The following BDP1 variants were observed in gnomAD, a reference collection of about 807,000 sequenced individuals.
BDP1 encodes transcription factor TFIIIB component B'' homolog.
In BDP1, 169 loss-of-function variants were observed where a neutral mutation model predicts 266.6. The observed-to-expected ratio is 0.63, with a 90% CI of 0.56 to 0.72. The LOEUF is 0.72. BDP1 is among the 30% of genes least tolerant of loss of function. The probability of loss-of-function intolerance (pLI) is 0.00; values close to 1 mark genes in which losing one functional copy is unlikely to be tolerated. For synonymous variants in BDP1, 1,090 were observed against 1,022.4 expected (o/e 1.07, Z -1.26); for missense variants, 3,015 against 3,053.8 (o/e 0.99, Z 0.30).
At chr5:71,464,748 C>G (rs1761798677) in intron 4 of BDP1, among the ~76,000 whole-genome samples, 1 of 107,824 alleles carries the variant, frequency 9.3e-6, no homozygotes, top group Non-Finnish European at 1.8e-5. Flanking sequence ...GAGATGGAGT[C>G]TTGCTCTGTC....
At position 71,504,723 on chromosome 5, in the gene BDP1, G is replaced by A; in HGVS notation, c.2344G>A (p.Glu782Lys). ...TTCTTTTCAAAATGTGCAGCCAGATGAGCCCAAGGTTCTTAATGAATGTCT... is the reference window on the plus strand; with the variant it reads ...TTCTTTTCAAAATGTGCAGCCAGATAAGCCCAAGGTTCTTAATGAATGTCT... ...NDSFQNVQPD[E>K]PKVLNECLSV... Residue 782 changes from glutamate to lysine, a missense_variant, in exon 16 of 39, where the codon GAG becomes AAG. By Grantham distance (56) the Glu-to-Lys change is moderately conservative (BLOSUM62 1). Coordinates refer to ENST00000358731, the MANE Select transcript of BDP1 (RefSeq NM_018429.3). The A allele has an allele frequency of 6.2e-7, 1 of 1,613,688 alleles. No individual in the cohort carries two copies. The highest frequency in any genetic ancestry group is 8.5e-7 in the Non-Finnish European group (1 of 1,179,762).
intron 32 of BDP1, among the ~76,000 whole-genome samples, chr5:71,546,744 C>G (rs914425797): frequency 6.6e-6 from 1 of 151,226 alleles, no homozygotes; most frequent in African/African-American, 2.4e-5. Flanking sequence ...AAGGACAGTA[C>G]TGTTGTCACA....
rs1764325987 is a variant in BDP1, at chr5:71,502,724, T to G, written c.2174T>G (p.Leu725Arg). 1 of 1,613,922 alleles carries G rather than the reference T, an allele frequency of 6.2e-7. No homozygotes were observed. The highest frequency in any genetic ancestry group is 1.3e-5 in the African/African-American group (1 of 74,978). ...AAAGCTGCTGAAAGAAAAGAAATTC[T>G]CATATCACAGGAAGAAATTGGGGCC... ...AGKAAERKEI[L>R]ISQEEIGANV... Residue 725 changes from leucine to arginine, a missense_variant, in exon 15 of 39, where the codon CTC becomes CGC. This residue lies in a region of BDP1 where 2,383 missense variants were observed against 2,404.9 expected (regional missense o/e 0.99). Coordinates refer to ENST00000358731, the MANE Select transcript of BDP1 (RefSeq NM_018429.3).
At chr5:71,531,822 T>TAA (rs923556590) in intron 25 of BDP1, among the ~76,000 whole-genome samples, 5 of 152,218 alleles carry the variant, frequency 3.3e-5, no homozygotes, top group African/African-American at 1.2e-4. Context: ...TAAATACTTC[T>TAA]AAGGGCTTTC....
intron 18 of BDP1, 147 bp downstream of exon 18, chr5:71,512,575 A>G: frequency 2.0e-6 from 1 of 506,508 alleles, no homozygotes; most frequent in Non-Finnish European, 3.4e-6. Context: ...GATTGAGGTC[A>G]CTCTGACAGT....
Position 71,522,774 on chromosome 5 carries a change from A to C in BDP1, c.5212A>C (p.Thr1738Pro), listed in dbSNP as rs200098904. Residue 1738 changes from threonine (T) to proline (P), a missense_variant, in exon 24 of 39, where the codon ACA becomes CCA. This residue lies in a region of BDP1 where 2,383 missense variants were observed against 2,404.9 expected (regional missense o/e 0.99). Coordinates refer to ENST00000358731, the MANE Select transcript of BDP1 (RefSeq NM_018429.3). ...ATTTAAGGAAAAAGCTGAGCTTCTG[A>C]CATCTCTGGAGGTTTCAGCAAGAAA... ...LLLKEKAELL[T>P]SLEVSARKDC... The C allele has an allele frequency of 2.5e-5, 39 of 1,591,322 alleles. 1 individual carries two copies. In the East Asian group the frequency reaches 5.4e-4, roughly 22 times the overall value.
chr5:71,548,116 C>T (rs1002165041), intron 32 of BDP1, among the ~76,000 whole-genome samples: 3 of 151,846 alleles, frequency 2.0e-5, no homozygotes, highest in Non-Finnish European at 4.4e-5. Context: ...AACCCCATCT[C>T]TACCCTTGAA....
rs1221965366 is a variant in BDP1, at chr5:71,565,086, A to G, written c.*201A>G. The stretch of plus-strand genomic sequence containing the variant: ...TTCCTTTCATTCTGACTGATTCAGC[A>G]TTTTGCAAATAGCAAGCAATTAAGA... On this transcript the variant is annotated 3_prime_UTR_variant, in exon 39 of 39. Coordinates refer to ENST00000358731, the MANE Select transcript of BDP1 (RefSeq NM_018429.3). 5.7e-6 allele frequency: 3 copies of G among 525,208 alleles called. No homozygotes were observed. The highest frequency in any genetic ancestry group is 3.2e-5 in the East Asian group (1 of 30,858). The allele number at this position is 525,208 out of a possible 1,614,324, so 32.5% of individuals were successfully genotyped here.
chr5:71,572,843 T>G, the BDP1 span, among the ~76,000 whole-genome samples: 1 of 152,214 alleles, frequency 6.6e-6, no homozygotes, highest in Non-Finnish European at 1.5e-5. Flanking sequence ...TGTACTGTAC[T>G]TCTACCATTA....
At chr5:71,548,334 G>T (rs1385227907) in intron 32 of BDP1, among the ~76,000 whole-genome samples, 1 of 152,186 alleles carries the variant, frequency 6.6e-6, no homozygotes, top group Non-Finnish European at 1.5e-5. Flanking sequence ...CATACTGCAT[G>T]CAGGGAAAGC....
rs1579966126 is a variant in BDP1 at position 71,458,577 on chromosome 5, A to C, written c.213-2A>C. 4 of 1,584,680 alleles carry C rather than the reference A, an allele frequency of 2.5e-6. No homozygotes were observed. The highest frequency in any genetic ancestry group is 3.4e-6 in the Non-Finnish European group (4 of 1,168,118). ...CTCTTTTTTCTTTTTTAATTTCAAC[A>C]GTACTGAAAAGACTGGTGGTGACAA... On this transcript the variant is annotated splice_acceptor_variant, in intron 1 of 38. Coordinates refer to ENST00000358731, the MANE Select transcript of BDP1 (RefSeq NM_018429.3). LOFTEE classifies it high-confidence loss of function.
chr5:71,564,252 A>T lies in BDP1; in HGVS notation c.7744-502A>T, dbSNP rs545141005. Among the ~76,000 whole-genome samples, 5 of 152,052 alleles carry T rather than the reference A, an allele frequency of 3.3e-5. No homozygotes were observed. The East Asian group carries it at 9.6e-4, about 29-fold the overall frequency. On this transcript the variant is annotated intron_variant, in intron 38 of 38. Transcript: ENST00000358731. ...CCATGCTGTCTTAATTTGTTTATAG[A>T]TTTGTAAGTATGCTAATTTCTGATA...
At chr5:71,470,602 T>TC in intron 7 of BDP1, 113 bp downstream of exon 7, 2 of 700,416 alleles carry the variant, frequency 2.9e-6, no homozygotes, top group African/African-American at 3.7e-5. Context: ...TTTTTTTTTT[T>TC]CATTGAGACA....
chr5:71,502,932 A>G, intron 15 of BDP1, 141 bp downstream of exon 15: 1 of 661,502 alleles, frequency 1.5e-6, no homozygotes, highest in Non-Finnish European at 2.4e-6. Context: ...TCTGTCGCCC[A>G]GGCTGGAATG....
At position 71,556,880 on chromosome 5, in the gene BDP1, A is replaced by G. The variant is rs1293880894; in HGVS notation, c.7201-6A>G. 2 of 1,374,126 alleles carry G rather than the reference A, an allele frequency of 1.5e-6. No individual in the cohort carries two copies. The highest frequency in any genetic ancestry group is 2.0e-6 in the Non-Finnish European group (2 of 1,019,386). 85.1% of individuals were successfully genotyped at this position (1,374,126 alleles called of 1,614,324 possible). A position where few individuals can be genotyped will look rare whatever the true frequency, so the allele number is the denominator to read the frequency against. ...CTAAATTTTTTTTTAAATTTTCTTAAAATAGGTGCACTCAAAGGAATTAAC... is the reference window on the plus strand; with the variant it reads ...CTAAATTTTTTTTTAAATTTTCTTAGAATAGGTGCACTCAAAGGAATTAAC... On this transcript the variant is annotated splice_polypyrimidine_tract_variant and splice_region_variant and intron_variant, in intron 35 of 38. Transcript: ENST00000358731.
intron 11 of BDP1, 54 bp downstream of exon 11, chr5:71,491,185 G>A (rs1461212186): frequency 1.3e-5 from 20 of 1,522,090 alleles, no homozygotes; most frequent in Non-Finnish European, 1.7e-5. Context: ...ACTGAGAAAG[G>A]AGTGTTGAAG....
At position 71,464,136 on chromosome 5, in the gene BDP1, A is replaced by G; in HGVS notation, c.659+19A>G. The G allele has an allele frequency of 7.0e-7, 1 of 1,434,372 alleles. No individual in the cohort carries two copies. The highest frequency in any genetic ancestry group is 9.6e-7 in the Non-Finnish European group (1 of 1,043,564). 88.9% of individuals were successfully genotyped at this position (1,434,372 alleles called of 1,614,324 possible). ...CAAGAGAGTAAGTATTTTATTTTTG[A>G]ATATATTCTATTCCTACATTTTTTA... is the stretch of plus-strand genomic sequence containing the variant. On this transcript the variant is annotated intron_variant, in intron 4 of 38. Transcript: ENST00000358731.
chr5:71,513,386 T>C lies in BDP1; in HGVS notation c.4449T>C (p.Thr1483=), dbSNP rs778833891. The C allele has an allele frequency of 6.3e-7, 1 of 1,585,904 alleles. No homozygotes were observed. The highest frequency in any genetic ancestry group is 1.2e-5 in the South Asian group (1 of 86,532). Reference sequence around the variant, plus strand: ...TGATGCAAGAAAATAATGAACAAACTGATACTCTCCCTTCTCAACATGTGA... The same window carrying C: ...TGATGCAAGAAAATAATGAACAAACCGATACTCTCCCTTCTCAACATGTGA... The part of the protein sequence containing the change: ...TIVMQENNEQ[T]DTLPSQHDEA... The change falls in exon 19 of 39, where the codon ACT becomes ACC. Residue 1483 remains threonine, a synonymous_variant. Transcript: ENST00000358731.
rs551867960 is a variant in BDP1 at position 71,509,907 on chromosome 5, C to G, written c.2815C>G (p.Pro939Ala). The change falls in exon 17 of 39, where the codon CCA (proline) becomes GCA (alanine). Residue 939 changes from proline (P) to alanine (A), a missense_variant. Transcript: ENST00000358731. ...LEEAGRREIS[P>A]QKNGPEEVKP... ...AGAAGCTGGAAGAAGAGAAATATCC[C>G]CACAGAAAAATGGCCCAGAGGAGGT... The G allele has an allele frequency of 2.5e-6, 4 of 1,613,764 alleles. No homozygotes were observed. In the South Asian group the frequency reaches 4.4e-5, roughly 18 times the overall value.
Sources: gnomAD v4.1 joint callset for allele counts (sites outside exome capture counted in the v4.1 genomes callset) on GRCh38, gnomAD v4.1.1 for gene constraint, gnomAD v4.1.1 regional missense constraint, MANE v1.5 for transcripts, NCBI Gene and HGNC (gene_info 2026-07-23, HGNC 2026-07-21) for gene names.